Variants in TCF7L1 observed in about 807,000 individuals in gnomAD.
TCF7L1 encodes the protein transcription factor 7 like 1.
TCF7L1 carries 18 observed loss-of-function variants against 63.7 expected under a neutral mutation model. The observed-to-expected ratio is 0.28, with a 90% confidence interval of 0.20 to 0.42. The LOEUF is 0.42. TCF7L1 is among the 10% of genes least tolerant of loss of function. TCF7L1 has a pLI of 1.00. For missense variants in TCF7L1, 654 were observed against 779.3 expected (o/e 0.84, Z 1.91); for synonymous variants, 355 against 340.9 (o/e 1.04, Z -0.46).
At chr2:85,187,020 C>T (rs1024304450) in intron 3 of TCF7L1, among the ~76,000 whole-genome samples, 1 of 152,112 alleles carries the variant, frequency 6.6e-6, no homozygotes, top group African/African-American at 2.4e-5. Context: ...ATACTCCGTC[C>T]CCTGCCCCCA....
At chr2:85,308,110 G>A (rs1191560281) in intron 11 of TCF7L1, among the ~76,000 whole-genome samples, 2 of 152,112 alleles carry the variant, frequency 1.3e-5, no homozygotes, top group Non-Finnish European at 2.9e-5. Context: ...GGGTTTCCTT[G>A]GATGTTTCTT....
chr2:85,201,526 A>G (rs1396294136), intron 3 of TCF7L1, among the ~76,000 whole-genome samples: 1 of 152,232 alleles, frequency 6.6e-6, no homozygotes, highest in Non-Finnish European at 1.5e-5. Flanking sequence ...CAAATCTCCA[A>G]AAAATGTTCC....
At chr2:85,250,473 G>C (rs1680562353) in intron 3 of TCF7L1, among the ~76,000 whole-genome samples, 1 of 151,498 alleles carries the variant, frequency 6.6e-6, no homozygotes, top group African/African-American at 2.4e-5. Flanking sequence ...GTCTCGCTCT[G>C]TCGCCCAGGC....
intron 3 of TCF7L1, among the ~76,000 whole-genome samples, chr2:85,189,005 G>A (rs367817647): frequency 4.6e-5 from 7 of 152,290 alleles, no homozygotes; most frequent in Admixed American, 1.3e-4. Context: ...CTAAAGTAAT[G>A]TGATCTCAGA....
chr2:85,242,014 G>T (rs1353466880), intron 3 of TCF7L1, among the ~76,000 whole-genome samples: 1 of 74,934 alleles, frequency 1.3e-5, no homozygotes, highest in Non-Finnish European at 2.8e-5. Context: ...GCGGAGGGGG[G>T]CGGTGGTGCG....
At chr2:85,241,392 C>G (rs945694624) in intron 3 of TCF7L1, among the ~76,000 whole-genome samples, 1 of 147,114 alleles carries the variant, frequency 6.8e-6, no homozygotes, top group Non-Finnish European at 1.5e-5. Flanking sequence ...AGGGAAGAGC[C>G]TCTTTGCACT....
intron 3 of TCF7L1, among the ~76,000 whole-genome samples, chr2:85,200,928 C>T (rs532294514): frequency 1.3e-5 from 2 of 152,130 alleles, no homozygotes; most frequent in Admixed American, 1.3e-4. Context: ...TGGCCAGGCA[C>T]GGTGGCTCAC....
chr2:85,151,045 T>G (rs1678002735), intron 3 of TCF7L1, among the ~76,000 whole-genome samples: 1 of 152,222 alleles, frequency 6.6e-6, no homozygotes, highest in African/African-American at 2.4e-5. Context: ...ATGAGATATC[T>G]TGGGGTCTCT....
intron 4 of TCF7L1, among the ~76,000 whole-genome samples, chr2:85,291,443 C>A (rs1215259277): frequency 3.3e-5 from 5 of 152,212 alleles, no homozygotes; most frequent in Non-Finnish European, 2.9e-5. Flanking sequence ...CAAGAATCGC[C>A]TTTCCACTAG....
At chr2:85,145,513 A>G (rs1250217231) in intron 3 of TCF7L1, among the ~76,000 whole-genome samples, 1 of 152,222 alleles carries the variant, frequency 6.6e-6, no homozygotes, top group Non-Finnish European at 1.5e-5. Context: ...GTAAATTCCA[A>G]AAAAGGATAT....
At chr2:85,251,477 A>G (rs1259806873) in intron 3 of TCF7L1, among the ~76,000 whole-genome samples, 1 of 152,196 alleles carries the variant, frequency 6.6e-6, no homozygotes, top group Non-Finnish European at 1.5e-5. Context: ...AGCAGCTGTG[A>G]TCAGCAAGGG....
At chr2:85,238,764 A>G (rs1378802240) in intron 3 of TCF7L1, among the ~76,000 whole-genome samples, 7 of 151,250 alleles carry the variant, frequency 4.6e-5, no homozygotes, top group African/African-American at 1.7e-4. Context: ...ACAGGGAACA[A>G]TCTTTTGGAG....
chr2:85,298,852 A>G (rs1401199117), intron 4 of TCF7L1, among the ~76,000 whole-genome samples: 1 of 152,064 alleles, frequency 6.6e-6, no homozygotes, highest in Non-Finnish European at 1.5e-5. Context: ...AGTAATGAGC[A>G]GGAACTTTTA....
chr2:85,179,592 G>A (rs770967107), intron 3 of TCF7L1, among the ~76,000 whole-genome samples: 14 of 152,084 alleles, frequency 9.2e-5, no homozygotes, highest in Non-Finnish European at 2.1e-4. Flanking sequence ...TCAGTCAAGG[G>A]GCTCTGGCTA....
At chr2:85,303,211 ATTT>A (rs975448973) in intron 5 of TCF7L1, among the ~76,000 whole-genome samples, 1 of 151,640 alleles carries the variant, frequency 6.6e-6, no homozygotes, top group Non-Finnish European at 1.5e-5. Context: ...TAATTTTTGT[ATTT>A]TTAGTAGAGA....
At chr2:85,258,277 C>T (rs893143139) in intron 3 of TCF7L1, among the ~76,000 whole-genome samples, 4 of 152,160 alleles carry the variant, frequency 2.6e-5, no homozygotes, top group Non-Finnish European at 5.9e-5. Flanking sequence ...GCTCTGACCA[C>T]CCTGACCACT....
chr2:85,306,622 AG>A lies in TCF7L1; in HGVS notation c.1257+66del. ...AGGAACAGCCTCTGCAAGAGGAGGA[AG>A]GGTGAAGGAAAGCAACTGCATTTAT... is the stretch of plus-strand genomic sequence containing the variant. On this transcript the variant is annotated intron_variant, in intron 10 of 11. Coordinates refer to ENST00000282111, the MANE Select transcript of TCF7L1 (RefSeq NM_031283.3). This position sits in a 1 kb window ranked among gnomAD's most constrained non-coding sequence, Gnocchi z 4.3. 2.3e-6 allele frequency: 3 copies of A among 1,323,170 alleles called. No individual in the cohort carries two copies. The highest frequency in any genetic ancestry group is 3.2e-6 in the Non-Finnish European group (3 of 939,564). 82.0% of individuals were successfully genotyped at this position (1,323,170 alleles called of 1,614,324 possible). A position where few individuals can be genotyped will look rare whatever the true frequency, so the allele number is the denominator to read the frequency against.
chr2:85,168,626 C>CT (rs555310607), intron 3 of TCF7L1, among the ~76,000 whole-genome samples: 2,263 of 145,286 alleles, frequency 0.016, 22 homozygotes, highest in Admixed American at 0.017. Context: ...GTAAATACGA[C>CT]TTTTTTTTTT....
At chr2:85,263,702 C>T (rs781311526) in intron 3 of TCF7L1, among the ~76,000 whole-genome samples, 5 of 152,154 alleles carry the variant, frequency 3.3e-5, no homozygotes, top group Non-Finnish European at 7.4e-5. Flanking sequence ...GCCTGTAGCA[C>T]GGTGTCAAGG....
Sources: allele counts gnomAD v4.1 joint callset (sites outside exome capture counted in the v4.1 genomes callset), GRCh38; gene constraint gnomAD v4.1.1; non-coding constraint Gnocchi (gnomAD v3.1); transcripts MANE v1.5; gene names NCBI Gene and HGNC (gene_info 2026-07-23, HGNC 2026-07-21).